The following PIEZO2 variants were observed in gnomAD, a reference collection of about 807,000 sequenced individuals.
The protein encoded by PIEZO2 is piezo-type mechanosensitive ion channel component 2.
In PIEZO2, 172 loss-of-function variants were observed where a neutral mutation model predicts 337.3. The ratio of observed to expected loss-of-function variants is 0.51; its 90% CI spans 0.45 to 0.58. The LOEUF (loss-of-function observed/expected upper bound fraction) is 0.58, where lower values mean the gene tolerates loss of function less well. Ranked by LOEUF, PIEZO2 falls within the 20% of genes least tolerant of loss-of-function variation. The pLI is 0.00. For missense variants in PIEZO2, 3,028 were observed against 3,391.3 expected (o/e 0.89, Z 2.66); for synonymous variants, 1,251 against 1,228.5 (o/e 1.02, Z -0.38).
chr18:11,094,050 C>T lies in PIEZO2; in HGVS notation c.65-27828G>A, dbSNP rs149046816. On this transcript the variant is annotated intron_variant, in intron 1 of 55. Coordinates refer to ENST00000674853, the MANE Select transcript of PIEZO2 (RefSeq NM_001378183.1). This position sits in a 1 kb window ranked among gnomAD's most constrained non-coding sequence, Gnocchi z 4.4. Reference sequence around the variant, plus strand: ...CTGGAGTGCAGTGGTGCTACTGCGGCTCACTGCAACCTCTGCCTCCTGGGT... The same window carrying T: ...CTGGAGTGCAGTGGTGCTACTGCGGTTCACTGCAACCTCTGCCTCCTGGGT... 5.3e-4 allele frequency among the ~76,000 whole-genome samples: 81 copies of T among 152,108 alleles called. No homozygotes were observed. Among genetic ancestry groups the T allele is most frequent in the Non-Finnish European group, 9.1e-4 (62 of 68,002 alleles).
intron 2 of PIEZO2, among the ~76,000 whole-genome samples, chr18:11,049,546 T>C (rs919175125): frequency 2.0e-5 from 3 of 152,174 alleles, no homozygotes; most frequent in Admixed American, 2.0e-4. Context: ...AAAGGTGATA[T>C]GGTTTGGCTG....
At position 10,875,646 on chromosome 18, in the gene PIEZO2, C is replaced by G. The variant is rs551882225; in HGVS notation, c.330-4231G>C. Among the ~76,000 whole-genome samples the G allele has an allele frequency of 1.3e-3, 194 of 152,244 alleles. 2 individuals carry two copies. The highest frequency in any genetic ancestry group is 4.4e-3 in the African/African-American group (182 of 41,550). On this transcript the variant is annotated intron_variant, in intron 4 of 55. Transcript: ENST00000674853. ...AAGTACAGTCGAGAGAAAAAGACTT[C>G]TTATATTAAAGTAACAAGAACTCCA...
At position 11,069,986 on chromosome 18, in the gene PIEZO2, A is replaced by T. The variant is rs1185665300; in HGVS notation, c.65-3764T>A. 2.6e-5 allele frequency among the ~76,000 whole-genome samples: 4 copies of T among 152,274 alleles called. No individual in the cohort carries two copies. The highest frequency in any genetic ancestry group is 5.9e-5 in the Non-Finnish European group (4 of 68,050). On this transcript the variant is annotated intron_variant, in intron 1 of 55. Coordinates refer to ENST00000674853, the MANE Select transcript of PIEZO2 (RefSeq NM_001378183.1). This position sits in a 1 kb window ranked among gnomAD's most constrained non-coding sequence, Gnocchi z 4.9. ...GTGAAAGACCTATAAATGGAAGAAT[A>T]TAAAACATTGATAATAGAAATTGAA...
intron 1 of PIEZO2, among the ~76,000 whole-genome samples, chr18:11,113,283 A>G (rs1457176164): frequency 2.0e-5 from 3 of 152,204 alleles, no homozygotes; most frequent in African/African-American, 7.2e-5. Context: ...AAGGCCAGAC[A>G]CAGGCCTTCC....
At chr18:10,907,461 GT>G (rs1218854716) in intron 4 of PIEZO2, among the ~76,000 whole-genome samples, 3 of 151,310 alleles carry the variant, frequency 2.0e-5, no homozygotes, top group Non-Finnish European at 4.4e-5. Context: ...AAAAAAAGAT[GT>G]ATTTGTTTCA....
rs537483269 is a variant in PIEZO2 at position 10,784,661 on chromosome 18, T to A, written c.2492+123A>T. On this transcript the variant is annotated intron_variant, in intron 17 of 55. Transcript: ENST00000674853. The surrounding 1 kb of genome is among the most constrained non-coding windows in gnomAD (Gnocchi z 4.5). ...TCCTCTTTTTCTCACAAGCTGATACTCATGGAAAATTCAAGGCTGAAACTT... is the reference window on the plus strand; with the variant it reads ...TCCTCTTTTTCTCACAAGCTGATACACATGGAAAATTCAAGGCTGAAACTT... 2.6e-5 allele frequency: 24 copies of A among 929,148 alleles called. No individual in the cohort carries two copies. The highest frequency in any genetic ancestry group is 3.5e-5 in the Non-Finnish European group (23 of 648,366). The allele number at this position is 929,148 out of a possible 1,614,324, so 57.6% of individuals were successfully genotyped here.
At chr18:10,983,588 C>T (rs1299054120) in intron 2 of PIEZO2, among the ~76,000 whole-genome samples, 1 of 152,088 alleles carries the variant, frequency 6.6e-6, no homozygotes, top group African/African-American at 2.4e-5. Flanking sequence ...CAACTGGTGT[C>T]CAATTCTCTA....
rs930689285 is a variant in PIEZO2 at position 10,797,593 on chromosome 18, G to A, written c.1379-71C>T. The A allele has an allele frequency of 2.4e-5, 36 of 1,516,110 alleles. 1 individual carries two copies. In the East Asian group the frequency reaches 8.9e-4, roughly 37 times the overall value. 93.9% of individuals were successfully genotyped at this position (1,516,110 alleles called of 1,614,324 possible). A position where few individuals can be genotyped will look rare whatever the true frequency, so the allele number is the denominator to read the frequency against. On this transcript the variant is annotated intron_variant, in intron 11 of 55. Coordinates refer to ENST00000674853, the MANE Select transcript of PIEZO2 (RefSeq NM_001378183.1). Reference sequence around the variant, plus strand: ...CATTTGTATAAATGTTCCAAGCAATGCAGCACATGTATGGTTTTGGTATAG... The same window carrying A: ...CATTTGTATAAATGTTCCAAGCAATACAGCACATGTATGGTTTTGGTATAG...
chr18:10,742,112 G>C (rs113531908), intron 32 of PIEZO2, among the ~76,000 whole-genome samples: 31,919 of 151,946 alleles, frequency 0.21, 3,712 homozygotes, highest in Non-Finnish European at 0.27. Context: ...CCGAGATCTC[G>C]CCACTGCACT....
intron 36 of PIEZO2, chr18:10,725,340 C>G (rs1319418657): frequency 1.9e-6 from 3 of 1,604,884 alleles, no homozygotes; most frequent in Non-Finnish European, 2.6e-6. Flanking sequence ...TGTGGTGCAG[C>G]TGAGTGAAGA....
chr18:10,941,753 A>G (rs1337524973), intron 3 of PIEZO2, among the ~76,000 whole-genome samples: 1 of 152,244 alleles, frequency 6.6e-6, no homozygotes, highest in Non-Finnish European at 1.5e-5. Flanking sequence ...AATTGATTTA[A>G]TGTATTTAAA....
intron 3 of PIEZO2, among the ~76,000 whole-genome samples, chr18:10,947,300 A>G (rs976570540): frequency 1.3e-5 from 2 of 152,228 alleles, no homozygotes; most frequent in Non-Finnish European, 2.9e-5. Flanking sequence ...TGACATTTCA[A>G]ATTAGAATGG....
intron 31 of PIEZO2, among the ~76,000 whole-genome samples, chr18:10,743,079 A>T (rs2037288547): frequency 6.6e-6 from 1 of 152,210 alleles, no homozygotes; most frequent in Non-Finnish European, 1.5e-5. Flanking sequence ...ACATATTCTA[A>T]ACATGAGTCC....
In PIEZO2 at chr18:10,837,101, T is replaced by C. The variant is rs550375671; in HGVS notation, c.917+18252A>G. Among the ~76,000 whole-genome samples, 12 of 152,286 alleles carry C rather than the reference T, an allele frequency of 7.9e-5. No homozygotes were observed. The highest frequency in any genetic ancestry group is 1.6e-4 in the Non-Finnish European group (11 of 68,028). ...TAGTTTCTTAGGCAAAGAAACACTC[T>C]TCGCACAGGGATTGCTCACAACTCT... On this transcript the variant is annotated intron_variant, in intron 7 of 55. Transcript: ENST00000674853. The surrounding 1 kb of genome is among the most constrained non-coding windows in gnomAD (Gnocchi z 4.4).
At chr18:10,914,455 T>A (rs969284563) in intron 3 of PIEZO2, among the ~76,000 whole-genome samples, 1 of 152,172 alleles carries the variant, frequency 6.6e-6, no homozygotes, top group African/African-American at 2.4e-5. Context: ...TATATAACCT[T>A]GCAGCCCCCT....
chr18:11,022,448 G>A (rs1443069573), intron 2 of PIEZO2, among the ~76,000 whole-genome samples: 2 of 152,200 alleles, frequency 1.3e-5, no homozygotes, highest in East Asian at 3.9e-4. Context: ...GACACTGATT[G>A]TCTCAGTTGT....
chr18:10,678,646 T>A (rs1019524740), intron 52 of PIEZO2, among the ~76,000 whole-genome samples: 1 of 152,228 alleles, frequency 6.6e-6, no homozygotes, highest in African/African-American at 2.4e-5. Flanking sequence ...GTGTATTATG[T>A]TGAGGTTCCC....
chr18:10,716,692 T>C lies in PIEZO2; in HGVS notation c.5090-876A>G, dbSNP rs189738103. On this transcript the variant is annotated intron_variant, in intron 37 of 55. Transcript: ENST00000674853. This position sits in a 1 kb window ranked among gnomAD's most constrained non-coding sequence, Gnocchi z 4.1. ...CCTTTATAAAATCTCAAGCAAGGTA[T>C]GTATTTCTCACAATCATTCAGATAG... Among the ~76,000 whole-genome samples, 1 of 152,326 alleles carries C rather than the reference T, an allele frequency of 6.6e-6. No individual in the cohort carries two copies. Among genetic ancestry groups the C allele is most frequent in the Admixed American group, 6.5e-5 (1 of 15,292 alleles).
chr18:11,123,760 A>G (rs575548742), intron 1 of PIEZO2, among the ~76,000 whole-genome samples: 1 of 152,120 alleles, frequency 6.6e-6, no homozygotes, highest in South Asian at 2.1e-4. Context: ...CAGTGAGCTG[A>G]GATCGCACCA....
Sources: gnomAD v4.1 joint callset for allele counts (sites outside exome capture counted in the v4.1 genomes callset) on GRCh38, gnomAD v4.1.1 for gene constraint, Gnocchi (gnomAD v3.1) non-coding constraint, MANE v1.5 for transcripts, NCBI Gene and HGNC (gene_info 2026-07-23, HGNC 2026-07-21) for gene names.